Variants in CNTNAP2 observed in about 807,000 individuals in gnomAD.
CNTNAP2 encodes the protein contactin associated protein 2.
In CNTNAP2, 98 loss-of-function variants were observed where a neutral mutation model predicts 155.2. That is an observed-to-expected ratio of 0.63 (90% CI 0.54 to 0.75). CNTNAP2 has a LOEUF of 0.75. Among genes scored for constraint, CNTNAP2 ranks in the 30% least tolerant of loss-of-function variants. The probability of loss-of-function intolerance (pLI) is 0.00; values close to 1 mark genes in which losing one functional copy is unlikely to be tolerated. For synonymous variants in CNTNAP2, 651 were observed against 631.2 expected (o/e 1.03, Z -0.47); for missense variants, 1,727 against 1,688.1 (o/e 1.02, Z -0.40).
At chr7:148,366,960 C>A (rs553927858) in intron 21 of CNTNAP2, among the ~76,000 whole-genome samples, 1 of 152,182 alleles carries the variant, frequency 6.6e-6, no homozygotes, top group African/African-American at 2.4e-5. Flanking sequence ...CAGCTGTGCG[C>A]GGTGGCTCAC....
chr7:147,762,433 G>A lies in CNTNAP2; in HGVS notation c.2098+123127G>A, dbSNP rs571391063. Among the ~76,000 whole-genome samples the A allele has an allele frequency of 2.0e-5, 3 of 152,192 alleles. No individual in the cohort carries two copies. In the East Asian group the frequency reaches 5.8e-4, roughly 29 times the overall value. On this transcript the variant is annotated intron_variant, in intron 13 of 23. Transcript: ENST00000361727. ...GTTTGCTGAAAGGCAAACAGGATGA[G>A]TTCAGTTGTAAGCCTACTGAATCTG...
intron 9 of CNTNAP2, among the ~76,000 whole-genome samples, chr7:147,324,657 G>T (rs1309589935): frequency 6.6e-6 from 1 of 151,408 alleles, no homozygotes; most frequent in Admixed American, 6.6e-5. Flanking sequence ...AAATTTATAT[G>T]GTCCCTTAAA....
Position 146,782,323 on chromosome 7 carries a change from A to T in CNTNAP2, c.208+7942A>T, listed in dbSNP as rs148425086. On this transcript the variant is annotated intron_variant, in intron 2 of 23. Transcript: ENST00000361727. ...AAAAATTCAAAGAACTGGTTTCCTA[A>T]TGGGGCATTTCAGGATATTTGACAT... is the stretch of plus-strand genomic sequence containing the variant. 5 of 152,282 alleles carry T rather than the reference A, an allele frequency of 3.3e-5. No homozygotes were observed. In the East Asian group the frequency reaches 9.7e-4, roughly 29 times the overall value. 9.4% of individuals were successfully genotyped at this position (152,282 alleles called of 1,614,324 possible). A position where few individuals can be genotyped will look rare whatever the true frequency, so the allele number is the denominator to read the frequency against.
At chr7:146,181,165 A>G (rs867556253) in intron 1 of CNTNAP2, among the ~76,000 whole-genome samples, 2 of 152,168 alleles carry the variant, frequency 1.3e-5, no homozygotes, top group Non-Finnish European at 2.9e-5. Context: ...GGGGAACAAC[A>G]TGATGACTAT....
chr7:147,386,394 G>A (rs115916339), intron 9 of CNTNAP2, among the ~76,000 whole-genome samples: 1,668 of 152,136 alleles, frequency 0.011, 35 homozygotes, highest in African/African-American at 0.037. Flanking sequence ...TTTATGCTCC[G>A]TTTCCCTTTA....
At chr7:146,777,472 A>G (rs185102934) in intron 2 of CNTNAP2, among the ~76,000 whole-genome samples, 2 of 152,342 alleles carry the variant, frequency 1.3e-5, no homozygotes, top group East Asian at 3.9e-4. Context: ...GGCCACGTAA[A>G]TGTGGGTCAA....
At chr7:147,323,625 G>A (rs57574963) in intron 9 of CNTNAP2, among the ~76,000 whole-genome samples, 73,490 of 150,598 alleles carry the variant, frequency 0.49, 19,027 homozygotes, top group East Asian at 0.72. Flanking sequence ...CAATTCCTGG[G>A]TATCCTTGTT....
At chr7:146,527,484 CTCAA>C (rs1797707620) in intron 1 of CNTNAP2, among the ~76,000 whole-genome samples, 1 of 151,960 alleles carries the variant, frequency 6.6e-6, no homozygotes, top group African/African-American at 2.4e-5. Context: ...GAATATCAGG[CTCAA>C]TGTCATATGT....
intron 11 of CNTNAP2, among the ~76,000 whole-genome samples, chr7:147,512,180 G>A (rs962003648): frequency 9.9e-5 from 15 of 152,082 alleles, no homozygotes; most frequent in Non-Finnish European, 1.8e-4. Context: ...CACCATCGCC[G>A]TGCCCACACA....
At chr7:148,009,104 A>C (rs1802028127) in intron 15 of CNTNAP2, among the ~76,000 whole-genome samples, 1 of 152,358 alleles carries the variant, frequency 6.6e-6, no homozygotes, top group South Asian at 2.1e-4. Flanking sequence ...GAAAACACAT[A>C]GTTGAAAATA....
chr7:146,996,962 C>T (rs1436996589), intron 3 of CNTNAP2, among the ~76,000 whole-genome samples: 5 of 151,984 alleles, frequency 3.3e-5, no homozygotes, highest in Non-Finnish European at 7.4e-5. Flanking sequence ...TTTCGCTTGG[C>T]TCTCATTCTC....
rs181229857 is a variant in CNTNAP2, at chr7:147,978,829, C to A, written c.2383+840C>A. On this transcript the variant is annotated intron_variant, in intron 15 of 23. Coordinates refer to ENST00000361727, the MANE Select transcript of CNTNAP2 (RefSeq NM_014141.6). ...GGCATCCGGAGACCTAGATTCTGCT[C>A]CCCAAATAGCTGACTTGCCAGGAGA... Among the ~76,000 whole-genome samples the A allele has an allele frequency of 7.9e-5, 12 of 152,184 alleles. No homozygotes were observed. The East Asian group carries it at 2.3e-3, about 29-fold the overall frequency.
At chr7:146,978,419 T>A (rs527783711) in intron 3 of CNTNAP2, among the ~76,000 whole-genome samples, 105 of 152,266 alleles carry the variant, frequency 6.9e-4, no homozygotes, top group African/African-American at 2.2e-3. Flanking sequence ...AAGCCTGTCC[T>A]GTTCAGAAAA....
chr7:147,229,211 G>A (rs958606884), intron 8 of CNTNAP2, among the ~76,000 whole-genome samples: 1 of 152,110 alleles, frequency 6.6e-6, no homozygotes. Flanking sequence ...GTTTGTAAAT[G>A]AGCTTATTCA....
chr7:147,321,981 T>A (rs890917521), intron 9 of CNTNAP2, among the ~76,000 whole-genome samples: 3 of 152,180 alleles, frequency 2.0e-5, no homozygotes, highest in Non-Finnish European at 4.4e-5. Flanking sequence ...GAATATAGAA[T>A]TAGACTGTTC....
At chr7:146,541,504 T>A (rs1797953144) in intron 1 of CNTNAP2, among the ~76,000 whole-genome samples, 1 of 152,034 alleles carries the variant, frequency 6.6e-6, no homozygotes, top group South Asian at 2.1e-4. Context: ...AGTAGGCAAC[T>A]GTAGATAGTC....
At chr7:146,707,908 C>CT (rs982608599) in intron 1 of CNTNAP2, among the ~76,000 whole-genome samples, 1 of 151,570 alleles carries the variant, frequency 6.6e-6, no homozygotes, top group Admixed American at 6.6e-5. Context: ...AGGCATAGCA[C>CT]TTTTTTTTAA....
chr7:146,434,687 G>A (rs1030704633), intron 1 of CNTNAP2, among the ~76,000 whole-genome samples: 16 of 152,236 alleles, frequency 1.1e-4, no homozygotes, highest in African/African-American at 3.9e-4. Context: ...GCACAATTAT[G>A]TAGTTTCTGC....
At chr7:147,895,951 T>C (rs1799769440) in intron 13 of CNTNAP2, among the ~76,000 whole-genome samples, 1 of 152,266 alleles carries the variant, frequency 6.6e-6, no homozygotes, top group Admixed American at 6.5e-5. Flanking sequence ...TTGCAGTAGA[T>C]GTGGAAAGAG....
Sources: gnomAD v4.1 joint callset for allele counts (sites outside exome capture counted in the v4.1 genomes callset) on GRCh38, gnomAD v4.1.1 for gene constraint, MANE v1.5 for transcripts, NCBI Gene and HGNC (gene_info 2026-07-23, HGNC 2026-07-21) for gene names.